The following COL13A1 variants were observed in gnomAD, a reference collection of about 807,000 sequenced individuals.
COL13A1 encodes collagen alpha-1(XIII) chain.
In COL13A1, 89 loss-of-function variants were observed where a neutral mutation model predicts 130.9. That is an observed-to-expected ratio of 0.68 (90% CI 0.57 to 0.81). The LOEUF (loss-of-function observed/expected upper bound fraction) is 0.81, where lower values mean the gene tolerates loss of function less well. Among genes scored for constraint, COL13A1 ranks in the 30% least tolerant of loss-of-function variants. COL13A1 has a pLI of 0.00. For synonymous variants in COL13A1, 402 were observed against 341.6 expected, an observed-to-expected ratio of 1.18 and a Z score of -1.95; for missense variants, 879 against 934.6, an observed-to-expected ratio of 0.94 and a Z score of 0.78.
chr10:69,847,993 G>T (rs993040911), intron 2 of COL13A1, among the ~76,000 whole-genome samples: 3 of 152,310 alleles, frequency 2.0e-5, no homozygotes, highest in Non-Finnish European at 4.4e-5. Flanking sequence ...TGCCCTTCTT[G>T]CCCCCTGGCC....
At chr10:69,936,638 G>A in intron 32 of COL13A1, 118 bp from the exon 33 acceptor site, 1 of 1,171,550 alleles carries the variant, frequency 8.5e-7, no homozygotes, top group Non-Finnish European at 1.2e-6. Flanking sequence ...CATGGGCAGG[G>A]ACCCCAAACC....
intron 17 of COL13A1, among the ~76,000 whole-genome samples, chr10:69,910,958 T>G (rs2063311584): frequency 6.6e-6 from 1 of 152,208 alleles, no homozygotes; most frequent in Non-Finnish European, 1.5e-5. Flanking sequence ...CACATTCCCC[T>G]CTTTCAGGCT....
At chr10:69,815,005 C>T (rs1215405544) in intron 1 of COL13A1, among the ~76,000 whole-genome samples, 1 of 152,198 alleles carries the variant, frequency 6.6e-6, no homozygotes, top group African/African-American at 2.4e-5. Context: ...TTGATAGATG[C>T]TCCGTGGTTT....
chr10:69,879,127 C>A (rs1294557459), intron 6 of COL13A1, among the ~76,000 whole-genome samples: 2 of 152,192 alleles, frequency 1.3e-5, no homozygotes, highest in Non-Finnish European at 2.9e-5. Flanking sequence ...CACAGAGAGG[C>A]CAAGTCACAT....
chr10:69,902,969 C>A, intron 15 of COL13A1, 114 bp downstream of exon 15: 1 of 761,648 alleles, frequency 1.3e-6, no homozygotes, highest in Non-Finnish European at 2.0e-6. Context: ...CTTGGCAGGG[C>A]CATTGGATGT....
intron 24 of COL13A1, 140 bp from the exon 25 acceptor site, chr10:69,924,822 TC>T: frequency 1.3e-6 from 1 of 754,154 alleles, no homozygotes. Context: ...CCTGGATGTT[TC>T]CTGAAGGGGT....
chr10:69,905,339 G>A (rs1242717866), intron 16 of COL13A1, among the ~76,000 whole-genome samples: 2 of 152,216 alleles, frequency 1.3e-5, no homozygotes, highest in Admixed American at 6.5e-5. Flanking sequence ...CCAGTCTCCT[G>A]TGAACCCTCA....
chr10:69,889,065 G>A (rs946243618), intron 9 of COL13A1, among the ~76,000 whole-genome samples: 1 of 152,190 alleles, frequency 6.6e-6, no homozygotes, highest in African/African-American at 2.4e-5. Context: ...CAGCCCAGGG[G>A]TGCCAGCAAT....
intron 2 of COL13A1, among the ~76,000 whole-genome samples, chr10:69,838,863 G>T (rs1432798388): frequency 1.3e-5 from 2 of 152,256 alleles, no homozygotes; most frequent in East Asian, 3.8e-4. Flanking sequence ...CTCCCATTTT[G>T]TAAAATGAGC....
chr10:69,900,847 T>A (rs766390090), intron 14 of COL13A1, among the ~76,000 whole-genome samples: 1 of 152,182 alleles, frequency 6.6e-6, no homozygotes, highest in Non-Finnish European at 1.5e-5. Flanking sequence ...GTGACTTTGA[T>A]CAGAGAATTC....
intron 2 of COL13A1, among the ~76,000 whole-genome samples, chr10:69,846,439 C>T (rs555553970): frequency 6.4e-4 from 98 of 152,270 alleles, no homozygotes; most frequent in Non-Finnish European, 1.2e-3. Context: ...CTGCGACAGA[C>T]GGCCAGCCCA....
At chr10:69,809,165 A>T (rs1240840997) in intron 1 of COL13A1, among the ~76,000 whole-genome samples, 2 of 152,174 alleles carry the variant, frequency 1.3e-5, no homozygotes, top group Non-Finnish European at 2.9e-5. Flanking sequence ...TAACTGTGTG[A>T]CCTGAGCCTC....
At chr10:69,950,604 T>G (rs2069377156) in intron 38 of COL13A1, among the ~76,000 whole-genome samples, 1 of 152,194 alleles carries the variant, frequency 6.6e-6, no homozygotes, top group Non-Finnish European at 1.5e-5. Context: ...AGCTAGTGGT[T>G]TTGCTGGTCT....
chr10:69,873,351 ACT>A (rs2059261478), intron 4 of COL13A1, among the ~76,000 whole-genome samples: 3 of 152,064 alleles, frequency 2.0e-5, no homozygotes, highest in South Asian at 4.1e-4. Context: ...GCAAATGGAA[ACT>A]CTCCCAGTAA....
chr10:69,958,374 G>C (rs934710296), intron 40 of COL13A1, among the ~76,000 whole-genome samples: 1 of 152,226 alleles, frequency 6.6e-6, no homozygotes, highest in African/African-American at 2.4e-5. Context: ...CAACCAGAGA[G>C]CTTCAAGACT....
chr10:69,879,864 T>C lies in COL13A1; in HGVS notation c.463-639T>C, dbSNP rs977130301. 8.5e-5 allele frequency among the ~76,000 whole-genome samples: 13 copies of C among 152,276 alleles called. No homozygotes were observed. The South Asian group carries it at 2.3e-3, about 27-fold the overall frequency. Reference sequence around the variant, plus strand: ...CCTGGCCTTCACCCCTCCATGTCATTCTGAAACCGGGACTAGGGAATTTGA... The same window carrying C: ...CCTGGCCTTCACCCCTCCATGTCATCCTGAAACCGGGACTAGGGAATTTGA... On this transcript the variant is annotated intron_variant, in intron 6 of 40. Coordinates refer to ENST00000645393, the MANE Select transcript of COL13A1 (RefSeq NM_001368882.1).
At chr10:69,809,471 G>A (rs1202048510) in intron 1 of COL13A1, among the ~76,000 whole-genome samples, 1 of 152,192 alleles carries the variant, frequency 6.6e-6, no homozygotes, top group Non-Finnish European at 1.5e-5. Flanking sequence ...GGTTACTATT[G>A]TTACTATTCC....
At chr10:69,846,307 A>T (rs1350051263) in intron 2 of COL13A1, among the ~76,000 whole-genome samples, 1 of 151,972 alleles carries the variant, frequency 6.6e-6, no homozygotes, top group African/African-American at 2.4e-5. Context: ...CTGGTTCCTA[A>T]TCAACAGGAA....
intron 17 of COL13A1, among the ~76,000 whole-genome samples, chr10:69,915,492 G>T: frequency 6.6e-6 from 1 of 152,242 alleles, no homozygotes; most frequent in East Asian, 1.9e-4. Flanking sequence ...GAGGATAAAA[G>T]TGAAGCCATC....
Sources: allele counts gnomAD v4.1 joint callset (sites outside exome capture counted in the v4.1 genomes callset), GRCh38; gene constraint gnomAD v4.1.1; transcripts MANE v1.5; gene names NCBI Gene and HGNC (gene_info 2026-07-23, HGNC 2026-07-21).